Variants in MYO5B observed in about 807,000 individuals in gnomAD.
MYO5B encodes myosin VB, also known as unconventional myosin-Vb.
In MYO5B, 143 loss-of-function variants were observed where a neutral mutation model predicts 229.3. That is an observed-to-expected ratio of 0.62 (90% CI 0.54 to 0.72). The LOEUF is 0.72. MYO5B is among the 30% of genes least tolerant of loss of function. The pLI is 0.00. For missense variants in MYO5B, 2,321 were observed against 2,331.0 expected, an observed-to-expected ratio of 1.00 and a Z score of 0.09; for synonymous variants, 918 against 885.2, an observed-to-expected ratio of 1.04 and a Z score of -0.66.
intron 1 of MYO5B, among the ~76,000 whole-genome samples, chr18:50,160,789 C>T (rs1334614982): frequency 1.3e-5 from 2 of 152,192 alleles, no homozygotes; most frequent in Non-Finnish European, 2.9e-5. Flanking sequence ...AGGAAATCCT[C>T]AGCACATATC....
chr18:50,001,247 G>A lies in MYO5B; in HGVS notation c.612+8C>T, dbSNP rs776246822. On this transcript the variant is annotated splice_region_variant and intron_variant, in intron 5 of 39. Coordinates refer to ENST00000285039, the MANE Select transcript of MYO5B (RefSeq NM_001080467.3). Reference sequence around the variant, plus strand: ...GCCAGGAAGGCCAGGACACCTAGAAGGCTTTACCTCCATGATGGGACTGGA... The same window carrying A: ...GCCAGGAAGGCCAGGACACCTAGAAAGCTTTACCTCCATGATGGGACTGGA... 2.5e-6 allele frequency: 4 copies of A among 1,614,058 alleles called. No homozygotes were observed. The African/African-American group carries it at 5.3e-5, about 22-fold the overall frequency.
At chr18:49,980,790 A>C (rs981052525) in intron 8 of MYO5B, among the ~76,000 whole-genome samples, 1 of 151,384 alleles carries the variant, frequency 6.6e-6, no homozygotes, top group African/African-American at 2.4e-5. Context: ...CGTCCTGACC[A>C]AATCAGATGG....
At chr18:49,998,999 TTATGC>T (rs2026018255) in intron 5 of MYO5B, among the ~76,000 whole-genome samples, 1 of 152,200 alleles carries the variant, frequency 6.6e-6, no homozygotes, top group African/African-American at 2.4e-5. Context: ...ATGGTAAACT[TTATGC>T]TATGTGTATT....
intron 33 of MYO5B, among the ~76,000 whole-genome samples, chr18:49,845,840 C>G (rs1020003807): frequency 6.6e-6 from 1 of 152,136 alleles, no homozygotes; most frequent in Non-Finnish European, 1.5e-5. Context: ...GGAGCTGGTA[C>G]GACTGGCAAA....
chr18:49,953,838 C>T, intron 13 of MYO5B, among the ~76,000 whole-genome samples: 1 of 152,096 alleles, frequency 6.6e-6, no homozygotes, highest in East Asian at 1.9e-4. Flanking sequence ...CCTCCCTTCT[C>T]TCTCAAGCTC....
Position 49,977,110 on chromosome 18 carries a change from C to T in MYO5B, c.1057-2495G>A, listed in dbSNP as rs144957042. Among the ~76,000 whole-genome samples, 15 of 152,278 alleles carry T rather than the reference C, an allele frequency of 9.9e-5. No homozygotes were observed. In the East Asian group the frequency reaches 2.7e-3, roughly 27 times the overall value. ...TTAGAGACTTGTCTGAGAAACCACC[C>T]TGGGGACCGGCTTTTAACCACCACA... On this transcript the variant is annotated intron_variant, in intron 9 of 39. Coordinates refer to ENST00000285039, the MANE Select transcript of MYO5B (RefSeq NM_001080467.3).
chr18:50,022,231 T>C (rs1243421880), intron 4 of MYO5B, among the ~76,000 whole-genome samples: 1 of 152,182 alleles, frequency 6.6e-6, no homozygotes, highest in East Asian at 1.9e-4. Flanking sequence ...ACATCATGTT[T>C]GCCAACTGCC....
Position 49,902,701 on chromosome 18 carries a change from C to G in MYO5B, c.2704G>C (p.Glu902Gln). 1 of 1,612,132 alleles carries G rather than the reference C, an allele frequency of 6.2e-7. No individual in the cohort carries two copies. The highest frequency in any genetic ancestry group is 1.1e-5 in the South Asian group (1 of 91,076). Residue 902 changes from glutamate to glutamine, a missense_variant, in exon 21 of 40, where the codon GAG (glutamate) becomes CAG (glutamine). Physicochemically the swap from Glu to Gln is conservative, Grantham distance 29. This residue lies in a region of MYO5B where 2,113 missense variants were observed against 2,044.7 expected (regional missense o/e 1.03). Coordinates refer to ENST00000285039, the MANE Select transcript of MYO5B (RefSeq NM_001080467.3). ...CAFRMLKARRELKALRIEARS... is the reference protein window; with the variant it reads ...CAFRMLKARRQLKALRIEARS... Reference sequence around the variant, plus strand: ...GCCTCAATCCTGAGGGCCTTCAGCTCCCGCCTGGCCTTGAGCATCCGGAAG... The same window carrying G: ...GCCTCAATCCTGAGGGCCTTCAGCTGCCGCCTGGCCTTGAGCATCCGGAAG...
chr18:49,984,752 G>C lies in MYO5B; in HGVS notation c.912C>G (p.Asp304Glu), dbSNP rs768831904. The change falls in exon 8 of 40, where the codon GAC becomes GAG. Residue 304 changes from aspartate (D) to glutamate (E), a missense_variant. Physicochemically the swap from Asp to Glu is conservative, Grantham distance 45. Transcript: ENST00000285039. ...TSIEGVDDAEDFEKTRQAFTL... is the reference protein window; with the variant it reads ...TSIEGVDDAEEFEKTRQAFTL... ...TGAAGGCTTGTCGAGTCTTCTCAAA[G>C]TCCTCAGCATCGTCCACACCCTCGA... 1 of 1,613,820 alleles carries C rather than the reference G, an allele frequency of 6.2e-7. No individual in the cohort carries two copies. The highest frequency in any genetic ancestry group is 1.1e-5 in the South Asian group (1 of 91,072).
chr18:49,948,528 A>G (rs2025399582), intron 14 of MYO5B, among the ~76,000 whole-genome samples: 1 of 152,246 alleles, frequency 6.6e-6, no homozygotes, highest in Non-Finnish European at 1.5e-5. Flanking sequence ...CTTTTCAAAT[A>G]CCAGCACATC....
rs191040542 is a variant in MYO5B at position 50,066,246 on chromosome 18, T to C, written c.28-10868A>G. On this transcript the variant is annotated intron_variant, in intron 1 of 39. Coordinates refer to ENST00000285039, the MANE Select transcript of MYO5B (RefSeq NM_001080467.3). ...CCAGTCCCTTCCCTTTGTCCTCATA[T>C]GAGCACTAACAATGATACGAAATCA... Among the ~76,000 whole-genome samples, 355 of 152,304 alleles carry C rather than the reference T, an allele frequency of 2.3e-3. 1 individual carries two copies. Among genetic ancestry groups the C allele is most frequent in the African/African-American group, 7.5e-3 (312 of 41,552 alleles).
intron 1 of MYO5B, among the ~76,000 whole-genome samples, chr18:50,166,671 CG>C (rs2032857090): frequency 6.6e-6 from 1 of 152,124 alleles, no homozygotes; most frequent in Non-Finnish European, 1.5e-5. Context: ...CCCCACCCCC[CG>C]CCTACCAAAA....
chr18:49,935,711 G>T (rs1406816048), intron 16 of MYO5B, among the ~76,000 whole-genome samples: 1 of 152,232 alleles, frequency 6.6e-6, no homozygotes, highest in Non-Finnish European at 1.5e-5. Context: ...AGCATGGACA[G>T]AACCGGAACA....
intron 1 of MYO5B, among the ~76,000 whole-genome samples, chr18:50,141,835 G>A (rs1437072491): frequency 6.6e-6 from 1 of 152,200 alleles, no homozygotes; most frequent in African/African-American, 2.4e-5. Flanking sequence ...GCCTCCTGGA[G>A]CTGAAGCCCT....
chr18:50,172,892 G>A (rs2032939199), intron 1 of MYO5B, among the ~76,000 whole-genome samples: 1 of 152,232 alleles, frequency 6.6e-6, no homozygotes, highest in African/African-American at 2.4e-5. Context: ...TGCAAAGACT[G>A]GGAAAGAACA....
chr18:50,181,869 CT>C (rs1300260854), intron 1 of MYO5B, among the ~76,000 whole-genome samples: 1 of 152,174 alleles, frequency 6.6e-6, no homozygotes. Flanking sequence ...ATTTTCCTTA[CT>C]TTACAAATAA....
intron 17 of MYO5B, among the ~76,000 whole-genome samples, chr18:49,926,361 G>T (rs1278468609): frequency 3.3e-5 from 5 of 152,228 alleles, no homozygotes; most frequent in Non-Finnish European, 7.3e-5. Flanking sequence ...GTGGGAAAGT[G>T]CCAGGTGGAG....
chr18:49,956,309 G>A lies in MYO5B; in HGVS notation c.1546-1874C>T, dbSNP rs764101608. ...TACAATCATGTCAGCTAGGTGCTAT[G>A]TTTGTAAACATTTTAGAGACAAGGA... is the stretch of plus-strand genomic sequence containing the variant. On this transcript the variant is annotated intron_variant, in intron 12 of 39. Coordinates refer to ENST00000285039, the MANE Select transcript of MYO5B (RefSeq NM_001080467.3). 2.3e-4 allele frequency among the ~76,000 whole-genome samples: 35 copies of A among 152,324 alleles called. No homozygotes were observed. In the South Asian group the frequency reaches 6.2e-3, roughly 27 times the overall value.
intron 10 of MYO5B, among the ~76,000 whole-genome samples, chr18:49,971,549 C>T (rs116313460): frequency 0.012 from 1,821 of 152,280 alleles, 22 homozygotes; most frequent in African/African-American, 0.042. Context: ...CCTGCTCTTC[C>T]GTTAATTTGT....
Sources: allele counts gnomAD v4.1 joint callset (sites outside exome capture counted in the v4.1 genomes callset), GRCh38; gene constraint gnomAD v4.1.1; regional missense constraint gnomAD v4.1.1; transcripts MANE v1.5; gene names NCBI Gene and HGNC (gene_info 2026-07-23, HGNC 2026-07-21).